Variants in NAALADL2 observed in about 807,000 individuals in gnomAD.
The protein encoded by NAALADL2 is inactive N-acetylated-alpha-linked acidic dipeptidase-like protein 2.
Under a neutral mutation model 87.2 loss-of-function variants are expected in NAALADL2, and 76 were observed. The observed-to-expected ratio is 0.87, with a 90% CI of 0.72 to 1.05. The LOEUF is 1.05. Ranked by LOEUF, NAALADL2 falls within the 50% of genes least tolerant of loss-of-function variation. NAALADL2 has a pLI of 0.00. For missense variants in NAALADL2, 1,089 were observed against 945.8 expected (o/e 1.15, Z -1.99); for synonymous variants, 354 against 331.0 (o/e 1.07, Z -0.75).
Position 174,787,605 on chromosome 3 carries a change from A to ATATATATATATATATACG in NAALADL2, c.-9+49875_-9+49876insCGTATATATATATATATA, listed in dbSNP as rs1553855453. 3.6e-3 allele frequency among the ~76,000 whole-genome samples: 319 copies of ATATATATATATATATACG among 89,246 alleles called. 22 individuals carry two copies. Among genetic ancestry groups the ATATATATATATATATACG allele is most frequent in the Middle Eastern group, 0.018 (3 of 164 alleles). The allele number at this position is 89,246 out of a possible 152,430, so 58.5% of individuals were successfully genotyped here. ...TATATATATATATATATATATATATATATATATATATATATAGTAGTGACT... is the reference window on the plus strand; with the variant it reads ...TATATATATATATATATATATATATATATATATATATATATACGTATATATATATATATAGTAGTGACT... On this transcript the variant is annotated intron_variant, in intron 3 of 3. Transcript: ENST00000434257.
At chr3:175,106,206 A>G (rs1044518436) in intron 2 of NAALADL2, among the ~76,000 whole-genome samples, 1 of 142,432 alleles carries the variant, frequency 7.0e-6, no homozygotes, top group African/African-American at 2.6e-5. Flanking sequence ...TATTAAGTCT[A>G]TCTGATGTAA....
intron 1 of NAALADL2, among the ~76,000 whole-genome samples, chr3:174,930,215 G>T (rs528833315): frequency 6.6e-6 from 1 of 152,120 alleles, no homozygotes; most frequent in South Asian, 2.1e-4. Context: ...GGCAAGGTCA[G>T]TTTGGGCAGT....
At chr3:175,598,350 A>ATT (rs371148260) in intron 10 of NAALADL2, among the ~76,000 whole-genome samples, 51 of 147,684 alleles carry the variant, frequency 3.5e-4, no homozygotes, top group African/African-American at 5.7e-4. Context: ...TAGCCCTAAG[A>ATT]TTTTTTTTTT....
At chr3:174,607,931 G>C (rs1719308362) in intron 2 of NAALADL2, among the ~76,000 whole-genome samples, 1 of 151,910 alleles carries the variant, frequency 6.6e-6, no homozygotes, top group East Asian at 1.9e-4. Flanking sequence ...GCTCTCCTCA[G>C]CAAATGTAAA....
rs140466408 is a variant in NAALADL2, at chr3:175,634,221, C to T, written c.1896+6835C>T. 1.4e-3 allele frequency among the ~76,000 whole-genome samples: 217 copies of T among 151,920 alleles called. 1 individual carries two copies. The highest frequency in any genetic ancestry group is 4.7e-3 in the African/African-American group (194 of 41,490). ...TTATTAATTCCATTTGGCTGTCAATCGTCCTTAGAGTCGATTAACCTTGGT... is the reference window on the plus strand; with the variant it reads ...TTATTAATTCCATTTGGCTGTCAATTGTCCTTAGAGTCGATTAACCTTGGT... On this transcript the variant is annotated intron_variant, in intron 11 of 13. Transcript: ENST00000454872.
chr3:174,538,946 T>C (rs913563801), intron 1 of NAALADL2, among the ~76,000 whole-genome samples: 15 of 152,162 alleles, frequency 9.9e-5, no homozygotes, highest in African/African-American at 3.1e-4. Flanking sequence ...CCTGACTACG[T>C]TGGGCTCATG....
intron 5 of NAALADL2, among the ~76,000 whole-genome samples, chr3:175,352,967 A>T (rs1382458554): frequency 6.6e-6 from 1 of 152,148 alleles, no homozygotes; most frequent in Non-Finnish European, 1.5e-5. Context: ...TTATTTCTTC[A>T]GCTATTGTTT....
chr3:174,540,928 G>A (rs534280050), intron 1 of NAALADL2, among the ~76,000 whole-genome samples: 9 of 152,106 alleles, frequency 5.9e-5, no homozygotes, highest in East Asian at 1.9e-4. Flanking sequence ...TAGCTACTGC[G>A]CAACTATGTA....
chr3:174,640,086 G>C (rs1038719933), intron 2 of NAALADL2, among the ~76,000 whole-genome samples: 1 of 152,162 alleles, frequency 6.6e-6, no homozygotes, highest in East Asian at 1.9e-4. Flanking sequence ...ATCCACGTTA[G>C]GGGGAGGGAA....
Position 175,645,276 on chromosome 3 carries a change from G to A in NAALADL2, c.1896+17890G>A, listed in dbSNP as rs527796606. Among the ~76,000 whole-genome samples, 223 of 152,148 alleles carry A rather than the reference G, an allele frequency of 1.5e-3. 1 individual carries two copies. The highest frequency in any genetic ancestry group is 4.8e-3 in the African/African-American group (200 of 41,510). On this transcript the variant is annotated intron_variant, in intron 11 of 13. Coordinates refer to ENST00000454872, the MANE Select transcript of NAALADL2 (RefSeq NM_207015.3). Reference sequence around the variant, plus strand: ...TCCCGACTCAAAAACTACACAGAGCGAATCTTTACTAAACACATTCTAAGT... The same window carrying A: ...TCCCGACTCAAAAACTACACAGAGCAAATCTTTACTAAACACATTCTAAGT...
At chr3:174,963,599 C>A (rs9835224) in intron 1 of NAALADL2, among the ~76,000 whole-genome samples, 1 of 152,046 alleles carries the variant, frequency 6.6e-6, no homozygotes, top group Non-Finnish European at 1.5e-5. Context: ...AAGTTTCACA[C>A]GGCGTTGTGA....
chr3:174,629,873 A>G (rs1578369097), intron 2 of NAALADL2, among the ~76,000 whole-genome samples: 2 of 152,228 alleles, frequency 1.3e-5, no homozygotes, highest in East Asian at 3.8e-4. Flanking sequence ...GAAAATGAGC[A>G]ATTTTGCCCT....
rs1174600904 is a variant in NAALADL2, at chr3:175,013,278, CAT to C, written c.44-83489_44-83488del. ...ATATACATATATTTTTATATATATA[CAT>C]ATATATATATATATATATATATTTT... is the stretch of plus-strand genomic sequence containing the variant. On this transcript the variant is annotated intron_variant, in intron 1 of 13. Transcript: ENST00000454872. Among the ~76,000 whole-genome samples the C allele has an allele frequency of 2.3e-3, 167 of 73,706 alleles. 5 individuals are homozygous for C. Among genetic ancestry groups the C allele is most frequent in the Admixed American group, 4.2e-3 (20 of 4,784 alleles). The allele number at this position is 73,706 out of a possible 152,430, so 48.4% of individuals were successfully genotyped here. A position where few individuals can be genotyped will look rare whatever the true frequency, so the allele number is the denominator to read the frequency against.
chr3:174,664,692 A>G (rs1725806631), intron 2 of NAALADL2, among the ~76,000 whole-genome samples: 1 of 152,168 alleles, frequency 6.6e-6, no homozygotes, highest in Admixed American at 6.5e-5. Context: ...AGTTTCTGGT[A>G]TTTTGTGCAA....
chr3:175,443,371 G>A (rs115738301), intron 5 of NAALADL2, among the ~76,000 whole-genome samples: 2,725 of 152,216 alleles, frequency 0.018, 83 homozygotes, highest in African/African-American at 0.061. Flanking sequence ...AAAATGGAAT[G>A]CAGTTATTGA....
intron 2 of NAALADL2, among the ~76,000 whole-genome samples, chr3:174,665,558 T>C (rs965951891): frequency 8.5e-5 from 13 of 152,278 alleles, no homozygotes; most frequent in African/African-American, 2.9e-4. Flanking sequence ...AGAATAAGTG[T>C]TCAGAATATC....
chr3:174,865,274 G>A (rs138550535), intron 1 of NAALADL2, among the ~76,000 whole-genome samples: 1 of 152,024 alleles, frequency 6.6e-6, no homozygotes, highest in Non-Finnish European at 1.5e-5. Flanking sequence ...TAAATTTAAT[G>A]CAGTTTATAA....
intron 1 of NAALADL2, among the ~76,000 whole-genome samples, chr3:174,495,798 A>G (rs1217832931): frequency 6.6e-6 from 1 of 151,544 alleles, no homozygotes; most frequent in Non-Finnish European, 1.5e-5. Flanking sequence ...TTCTACTTCT[A>G]ATTTAGTACT....
At chr3:175,783,782 G>A (rs1751502574) in intron 13 of NAALADL2, among the ~76,000 whole-genome samples, 1 of 150,360 alleles carries the variant, frequency 6.7e-6, no homozygotes, top group African/African-American at 2.5e-5. Flanking sequence ...TCTTGTGCCA[G>A]TTTTCAAAGG....
Sources: gnomAD v4.1 joint callset for allele counts (sites outside exome capture counted in the v4.1 genomes callset) on GRCh38, gnomAD v4.1.1 for gene constraint, MANE v1.5 for transcripts, NCBI Gene and HGNC (gene_info 2026-07-23, HGNC 2026-07-21) for gene names.